Variants in CACNA2D1 observed in about 807,000 individuals in gnomAD.
CACNA2D1 encodes calcium voltage-gated channel auxiliary subunit alpha2delta 1, also known as voltage-dependent calcium channel subunit alpha-2/delta-1.
A neutral mutation model predicts 171.5 loss-of-function variants in CACNA2D1; 53 were observed. That is an observed-to-expected ratio of 0.31 (90% CI 0.25 to 0.39). The LOEUF is 0.39. Ranked by LOEUF, CACNA2D1 falls within the 10% of genes least tolerant of loss-of-function variation. The pLI is 1.00. For missense variants in CACNA2D1, 903 were observed against 1,299.8 expected (o/e 0.69, Z 4.69); for synonymous variants, 442 against 443.1 (o/e 1.00, Z 0.03).
intron 3 of CACNA2D1, among the ~76,000 whole-genome samples, chr7:82,195,844 T>C (rs953937881): frequency 6.6e-6 from 1 of 151,862 alleles, no homozygotes; most frequent in Non-Finnish European, 1.5e-5. Flanking sequence ...GGAGGGAGGA[T>C]AGATAATGGC....
Position 81,965,578 on chromosome 7 carries a change from T to A in CACNA2D1, c.2574+16A>T. ...CACTTTGGAAAGCCTAATTCCCTCTTATTTGAGGTACATACCTGATTAGTA... is the reference window on the plus strand; with the variant it reads ...CACTTTGGAAAGCCTAATTCCCTCTAATTTGAGGTACATACCTGATTAGTA... On this transcript the variant is annotated intron_variant, in intron 32 of 38. Coordinates refer to ENST00000356860, the MANE Select transcript of CACNA2D1 (RefSeq NM_000722.4). 3 of 1,385,958 alleles carry A rather than the reference T, an allele frequency of 2.2e-6. No homozygotes were observed. Among genetic ancestry groups the A allele is most frequent in the Non-Finnish European group, 3.1e-6 (3 of 972,498 alleles). The allele number at this position is 1,385,958 out of a possible 1,614,324, so 85.9% of individuals were successfully genotyped here.
At chr7:82,163,893 T>G (rs1795191309) in intron 4 of CACNA2D1, among the ~76,000 whole-genome samples, 2 of 151,936 alleles carry the variant, frequency 1.3e-5, no homozygotes, top group Admixed American at 1.3e-4. Flanking sequence ...ATAGTACTCA[T>G]AGAAGCAGAG....
chr7:82,033,994 A>G (rs1030888190), intron 11 of CACNA2D1, among the ~76,000 whole-genome samples: 1 of 152,108 alleles, frequency 6.6e-6, no homozygotes, highest in African/African-American at 2.4e-5. Context: ...AACTACTTTA[A>G]GGGGAGTAAT....
chr7:82,070,814 C>G (rs1193331262), intron 7 of CACNA2D1, among the ~76,000 whole-genome samples: 1 of 152,118 alleles, frequency 6.6e-6, no homozygotes, highest in Non-Finnish European at 1.5e-5. Flanking sequence ...ACCTTGGTCA[C>G]AGGTACAAAT....
intron 4 of CACNA2D1, among the ~76,000 whole-genome samples, chr7:82,164,873 C>A (rs969453718): frequency 1.3e-5 from 2 of 151,776 alleles, no homozygotes; most frequent in Admixed American, 6.6e-5. Flanking sequence ...CATTTTAATG[C>A]AAATAAGCAG....
Position 81,984,710 on chromosome 7 carries a change from A to G in CACNA2D1, c.1798T>C (p.Leu600=), listed in dbSNP as rs1796780413. 6.6e-7 allele frequency: 1 copy of G among 1,504,140 alleles called. No homozygotes were observed. Among genetic ancestry groups the G allele is most frequent in the Non-Finnish European group, 9.1e-7 (1 of 1,096,420 alleles). 93.2% of individuals were successfully genotyped at this position (1,504,140 alleles called of 1,614,324 possible). The change falls in exon 22 of 39, where the codon TTG becomes CTG. Residue 600 remains leucine (L), a splice_region_variant and synonymous_variant. Coordinates refer to ENST00000356860, the MANE Select transcript of CACNA2D1 (RefSeq NM_000722.4). Reference sequence around the variant, plus strand: ...CTGTAGGTTGGTAATACCAAGGCCAAACTGCAATAGAAACAAGAGAAGCAT... The same window carrying G: ...CTGTAGGTTGGTAATACCAAGGCCAGACTGCAATAGAAACAAGAGAAGCAT... ...WTPVNGTDYS[L]ALVLPTYSFY... is the part of the protein sequence containing the mutation.
chr7:82,155,647 T>G (rs1466069744), intron 4 of CACNA2D1, among the ~76,000 whole-genome samples: 1 of 152,154 alleles, frequency 6.6e-6, no homozygotes, highest in Non-Finnish European at 1.5e-5. Flanking sequence ...AACAGAAAAT[T>G]GGTTCATCAA....
At chr7:82,096,979 A>G (rs1811959009) in intron 6 of CACNA2D1, among the ~76,000 whole-genome samples, 1 of 152,202 alleles carries the variant, frequency 6.6e-6, no homozygotes, top group African/African-American at 2.4e-5. Context: ...CCCTATGAGT[A>G]ACACCTGCCT....
At chr7:82,243,828 T>C (rs930287760) in intron 3 of CACNA2D1, among the ~76,000 whole-genome samples, 6 of 152,198 alleles carry the variant, frequency 3.9e-5, no homozygotes, top group Non-Finnish European at 5.9e-5. Context: ...ATTACAGAAC[T>C]ATTTACATTT....
intron 1 of CACNA2D1, among the ~76,000 whole-genome samples, chr7:82,412,057 A>G (rs1490429359): frequency 6.6e-6 from 1 of 152,110 alleles, no homozygotes; most frequent in Non-Finnish European, 1.5e-5. Context: ...ATGACAAGTC[A>G]TTTTTAAATA....
intron 3 of CACNA2D1, among the ~76,000 whole-genome samples, chr7:82,228,564 A>G (rs1802589915): frequency 1.3e-5 from 2 of 152,192 alleles, no homozygotes; most frequent in Non-Finnish European, 2.9e-5. Context: ...GAAATTGTGA[A>G]TAAGGAATTG....
intron 1 of CACNA2D1, among the ~76,000 whole-genome samples, chr7:82,369,743 C>T (rs1822160082): frequency 6.6e-6 from 1 of 151,690 alleles, no homozygotes; most frequent in Admixed American, 6.6e-5. Flanking sequence ...TTAGAATAGC[C>T]CAGTTCCTCC....
intron 1 of CACNA2D1, among the ~76,000 whole-genome samples, chr7:82,399,557 C>T (rs961732803): frequency 6.6e-6 from 1 of 151,842 alleles, no homozygotes; most frequent in Admixed American, 6.6e-5. Context: ...AATGATGAAA[C>T]ATCGTTTACA....
chr7:82,366,903 CTTTTTTTT>C (rs71093376), intron 1 of CACNA2D1, among the ~76,000 whole-genome samples: 4 of 86,942 alleles, frequency 4.6e-5, no homozygotes, highest in Non-Finnish European at 6.9e-5. Flanking sequence ...TGGTTTTGAC[CTTTTTTTT>C]TTTTTTTTTT....
At chr7:82,396,428 A>C (rs577258630) in intron 1 of CACNA2D1, among the ~76,000 whole-genome samples, 1 of 152,222 alleles carries the variant, frequency 6.6e-6, no homozygotes, top group Non-Finnish European at 1.5e-5. Context: ...ATAGTTCCAT[A>C]ATCTGGCTCT....
chr7:82,408,737 TC>T (rs1246809781), intron 1 of CACNA2D1, among the ~76,000 whole-genome samples: 1 of 152,186 alleles, frequency 6.6e-6, no homozygotes, highest in Non-Finnish European at 1.5e-5. Flanking sequence ...CCTATTCCAT[TC>T]TGTAAGTCAA....
rs531289433 is a variant in CACNA2D1, at chr7:82,099,706, C to T, written c.527-14806G>A. Among the ~76,000 whole-genome samples the T allele has an allele frequency of 1.8e-3, 260 of 148,002 alleles. 67 individuals are homozygous for T. The highest frequency in any genetic ancestry group is 3.2e-3 in the Non-Finnish European group (212 of 66,588). ...CCTCGTGATCCGCCCGCCTCGGCCT[C>T]CCAAAGTGCTGGGATTACAGGCGTG... On this transcript the variant is annotated intron_variant, in intron 6 of 38. Transcript: ENST00000356860.
At chr7:82,346,055 A>G (rs376563163) in intron 2 of CACNA2D1, among the ~76,000 whole-genome samples, 1 of 152,114 alleles carries the variant, frequency 6.6e-6, no homozygotes, top group East Asian at 1.9e-4. Flanking sequence ...TGTGAGCAAA[A>G]TGTCTTACTC....
intron 3 of CACNA2D1, among the ~76,000 whole-genome samples, chr7:82,193,588 T>C (rs945797392): frequency 2.6e-5 from 4 of 152,034 alleles, no homozygotes; most frequent in African/African-American, 9.7e-5. Flanking sequence ...TCTATGGAAA[T>C]GCATACTATA....
Sources: allele counts gnomAD v4.1 joint callset (sites outside exome capture counted in the v4.1 genomes callset), GRCh38; gene constraint gnomAD v4.1.1; transcripts MANE v1.5; gene names NCBI Gene and HGNC (gene_info 2026-07-23, HGNC 2026-07-21).